RELN: variants seen among roughly 807,000 people sequenced by gnomAD.
RELN encodes the protein reelin.
Under a neutral mutation model 427.6 loss-of-function variants are expected in RELN, and 108 were observed. The observed-to-expected ratio is 0.25, with a 90% CI of 0.22 to 0.30. RELN has a LOEUF of 0.30. Among genes scored for constraint, RELN ranks in the 10% least tolerant of loss-of-function variants. The probability of loss-of-function intolerance (pLI) is 1.00; values close to 1 mark genes in which losing one functional copy is unlikely to be tolerated. For missense variants in RELN, 3,715 were observed against 4,302.8 expected, an observed-to-expected ratio of 0.86 and a Z score of 3.82; for synonymous variants, 1,524 against 1,513.4, an observed-to-expected ratio of 1.01 and a Z score of -0.16.
chr7:103,491,269 GA>G (rs1828640904), intron 58 of RELN, among the ~76,000 whole-genome samples: 1 of 152,226 alleles, frequency 6.6e-6, no homozygotes, highest in African/African-American at 2.4e-5. Context: ...GACTCTGGCT[GA>G]TGCATATTCA....
chr7:103,879,440 T>C (rs960585238), intron 2 of RELN, among the ~76,000 whole-genome samples: 4 of 152,208 alleles, frequency 2.6e-5, no homozygotes, highest in Middle Eastern at 3.2e-3. Flanking sequence ...GAAGTGCTAT[T>C]GGATTGCCTA....
chr7:103,771,805 C>T lies in RELN; in HGVS notation c.544+4752G>A, dbSNP rs772007306. Among the ~76,000 whole-genome samples, 5 of 152,088 alleles carry T rather than the reference C, an allele frequency of 3.3e-5. No individual in the cohort carries two copies. The East Asian group carries it at 5.8e-4, about 18-fold the overall frequency. ...TAATACATGTAATGTATAATGATCA[C>T]GTTTTTTCAAAGCCTCAACTTTAAA... is the stretch of plus-strand genomic sequence containing the variant. On this transcript the variant is annotated intron_variant, in intron 4 of 64. Transcript: ENST00000428762.
At chr7:103,890,703 C>T (rs78708573) in intron 2 of RELN, among the ~76,000 whole-genome samples, 3,919 of 152,250 alleles carry the variant, frequency 0.026, 158 homozygotes, top group African/African-American at 0.09. Flanking sequence ...ATCAAGCCTC[C>T]TATATAAGCA....
At chr7:103,668,282 G>A (rs1305402366) in intron 11 of RELN, among the ~76,000 whole-genome samples, 1 of 152,146 alleles carries the variant, frequency 6.6e-6, no homozygotes, top group African/African-American at 2.4e-5. Context: ...TGTATACTTT[G>A]TATAATTTAT....
chr7:103,960,030 C>T (rs752209158), intron 1 of RELN, among the ~76,000 whole-genome samples: 3 of 152,160 alleles, frequency 2.0e-5, no homozygotes. Context: ...TCCATTCTTG[C>T]CCTCTGCCCC....
At chr7:103,916,103 G>T (rs1795475811) in intron 2 of RELN, among the ~76,000 whole-genome samples, 1 of 152,094 alleles carries the variant, frequency 6.6e-6, no homozygotes, top group African/African-American at 2.4e-5. Flanking sequence ...TAAGCTGTGG[G>T]CTGTGGACCT....
At chr7:103,856,796 A>G (rs569367124) in intron 2 of RELN, among the ~76,000 whole-genome samples, 2 of 152,178 alleles carry the variant, frequency 1.3e-5, no homozygotes, top group South Asian at 4.1e-4. Flanking sequence ...ATTTTTTACT[A>G]GATTCTTCTA....
intron 42 of RELN, 28 bp downstream of exon 42, chr7:103,545,096 C>G (rs184066417): frequency 6.4e-7 from 1 of 1,569,722 alleles, no homozygotes; most frequent in Non-Finnish European, 8.8e-7. Context: ...TTTCACAAGA[C>G]TACATAGAAT....
Position 103,566,233 on chromosome 7 carries a change from C to T in RELN, c.4927G>A (p.Glu1643Lys), listed in dbSNP as rs1232903628. The T allele has an allele frequency of 6.2e-7, 1 of 1,611,928 alleles. No individual in the cohort carries two copies. Among genetic ancestry groups the T allele is most frequent in the Non-Finnish European group, 8.5e-7 (1 of 1,178,200 alleles). ...LSMDTALIFT[E>K]NIGKPRYAET... The stretch of plus-strand genomic sequence containing the variant: ...TGGTGACAATATATACCTATGTTTT[C>T]AGTGAATATCAGAGCAGTATCCATA... Residue 1643 changes from glutamate to lysine, a missense_variant, in exon 33 of 65, where the codon GAA (glutamate) becomes AAA (lysine). Physicochemically the swap from Glu to Lys is moderately conservative, Grantham distance 56. Transcript: ENST00000428762.
chr7:103,728,659 G>GT (rs1201844315), intron 6 of RELN, among the ~76,000 whole-genome samples: 3 of 152,028 alleles, frequency 2.0e-5, no homozygotes, highest in Non-Finnish European at 4.4e-5. Flanking sequence ...AATAAGCAGA[G>GT]TAATAGCCAC....
In RELN at chr7:103,796,131, T is replaced by C. The variant is rs116253268; in HGVS notation, c.474-19504A>G. 4.5e-3 allele frequency among the ~76,000 whole-genome samples: 685 copies of C among 152,310 alleles called. 12 individuals carry two copies. The highest frequency in any genetic ancestry group is 0.016 in the African/African-American group (653 of 41,572). ...TATCCCTGGAGTTATATGCAGTAAA[T>C]TATTTTGGAACACTGAACTGAGTGT... is the stretch of plus-strand genomic sequence containing the variant. On this transcript the variant is annotated intron_variant, in intron 3 of 64. Coordinates refer to ENST00000428762, the MANE Select transcript of RELN (RefSeq NM_005045.4).
intron 2 of RELN, among the ~76,000 whole-genome samples, chr7:103,848,972 A>G (rs1793748166): frequency 6.6e-6 from 1 of 152,202 alleles, no homozygotes; most frequent in South Asian, 2.1e-4. Context: ...GAACAGCAGC[A>G]AAAGTTCCCC....
At chr7:103,591,815 T>A (rs1271061295) in intron 27 of RELN, among the ~76,000 whole-genome samples, 1 of 152,198 alleles carries the variant, frequency 6.6e-6, no homozygotes, top group Non-Finnish European at 1.5e-5. Context: ...CTCAGCTGTA[T>A]TAAACATAAA....
Position 103,472,573 on chromosome 7 carries a change from C to A in RELN, c.*239G>T, listed in dbSNP as rs903471595. 2 of 503,560 alleles carry A rather than the reference C, an allele frequency of 4.0e-6. No individual in the cohort carries two copies. Among genetic ancestry groups the A allele is most frequent in the African/African-American group, 3.9e-5 (2 of 51,708 alleles). The allele number at this position is 503,560 out of a possible 1,614,324, so 31.2% of individuals were successfully genotyped here. Reference sequence around the variant, plus strand: ...AATACTGCCACTGTAACTGATATTACAACAGATCACAACTTTCACGGACAC... The same window carrying A: ...AATACTGCCACTGTAACTGATATTAAAACAGATCACAACTTTCACGGACAC... On this transcript the variant is annotated 3_prime_UTR_variant, in exon 65 of 65. Transcript: ENST00000428762.
chr7:103,675,343 C>A (rs1833493107), intron 11 of RELN, among the ~76,000 whole-genome samples: 1 of 151,932 alleles, frequency 6.6e-6, no homozygotes, highest in African/African-American at 2.4e-5. Flanking sequence ...ATGTGAAGGA[C>A]CTCTTCAGGG....
chr7:103,905,886 G>C (rs1337630805), intron 2 of RELN, among the ~76,000 whole-genome samples: 1 of 152,134 alleles, frequency 6.6e-6, no homozygotes, highest in Admixed American at 6.6e-5. Flanking sequence ...AGGAGCAGAG[G>C]GGAAGGGTTC....
At chr7:103,959,428 G>C (rs879527923) in intron 1 of RELN, among the ~76,000 whole-genome samples, 1 of 152,114 alleles carries the variant, frequency 6.6e-6, no homozygotes, top group Non-Finnish European at 1.5e-5. Context: ...CTGCCTACCA[G>C]AAAGCATCAC....
intron 22 of RELN, among the ~76,000 whole-genome samples, chr7:103,606,883 A>G (rs1831832537): frequency 6.6e-6 from 1 of 152,004 alleles, no homozygotes; most frequent in South Asian, 2.1e-4. Context: ...TCCTGTGTCC[A>G]TGTGTTCTCA....
Position 103,542,861 on chromosome 7 carries a change from T to G in RELN, c.6541A>C (p.Arg2181=), listed in dbSNP as rs780855346. The change falls in exon 43 of 65, where the codon AGA becomes CGA. Residue 2181 remains arginine (R), a synonymous_variant. Coordinates refer to ENST00000428762, the MANE Select transcript of RELN (RefSeq NM_005045.4). ...DDFEGQLESD[R]FLLMSGGKPS... is the part of the protein sequence containing the mutation. ...TTCCCACCACTCATTAATAAGAATC[T>G]ATCAGATTCTAGCTGACCTGAAAAA... The G allele has an allele frequency of 2.5e-6, 4 of 1,614,170 alleles. No individual in the cohort carries two copies. The East Asian group carries it at 8.9e-5, about 36-fold the overall frequency.
Sources: allele counts gnomAD v4.1 joint callset (sites outside exome capture counted in the v4.1 genomes callset), GRCh38; gene constraint gnomAD v4.1.1; transcripts MANE v1.5; gene names NCBI Gene and HGNC (gene_info 2026-07-23, HGNC 2026-07-21).